The following RFX2 variants were observed in gnomAD, a reference collection of about 807,000 sequenced individuals.
RFX2 encodes regulatory factor X2.
RFX2 carries 20 observed loss-of-function variants against 87.8 expected under a neutral mutation model. The ratio of observed to expected loss-of-function variants is 0.23; its 90% CI spans 0.16 to 0.33. The LOEUF (loss-of-function observed/expected upper bound fraction) is 0.33, where lower values mean the gene tolerates loss of function less well. Among genes scored for constraint, RFX2 ranks in the 10% least tolerant of loss-of-function variants. The pLI, the probability that RFX2 is intolerant of heterozygous loss-of-function variation, is 1.00. For missense variants in RFX2, 767 were observed against 1,012.3 expected, an observed-to-expected ratio of 0.76 and a Z score of 3.29; for synonymous variants, 397 against 431.3, an observed-to-expected ratio of 0.92 and a Z score of 0.98.
Position 6,021,630 on chromosome 19 carries a change from C to T in RFX2, c.597+4533G>A, listed in dbSNP as rs1021573371. ...GCAGAGGGCCCCACAGTGCAAAGGC[C>T]CTGGGGCAGGTCCGAGCCTGGTGCA... On this transcript the variant is annotated intron_variant, in intron 6 of 17. Transcript: ENST00000303657. This position sits in a 1 kb window ranked among gnomAD's most constrained non-coding sequence, Gnocchi z 5.7. 2.0e-5 allele frequency among the ~76,000 whole-genome samples: 3 copies of T among 152,156 alleles called. No individual in the cohort carries two copies. The highest frequency in any genetic ancestry group is 4.4e-5 in the Non-Finnish European group (3 of 68,026).
chr19:6,100,085 T>C (rs896706210), intron 1 of RFX2, among the ~76,000 whole-genome samples: 1 of 152,184 alleles, frequency 6.6e-6, no homozygotes, highest in Non-Finnish European at 1.5e-5. Flanking sequence ...ATCTCAAGTT[T>C]CCATGGCAAG....
At position 6,008,239 on chromosome 19, in the gene RFX2, C is replaced by G. The variant is rs202125727; in HGVS notation, c.1016-15G>C. 1.7e-5 allele frequency: 25 copies of G among 1,510,492 alleles called. No homozygotes were observed. In the African/African-American group the frequency reaches 2.6e-4, roughly 16 times the overall value. The allele number at this position is 1,510,492 out of a possible 1,614,324, so 93.6% of individuals were successfully genotyped here. A position where few individuals can be genotyped will look rare whatever the true frequency, so the allele number is the denominator to read the frequency against. ...GTGGGAGACATCTGGGGGAGGAACACGGGAACATCAGAAATGGCGAGGCTC... is the reference window on the plus strand; with the variant it reads ...GTGGGAGACATCTGGGGGAGGAACAGGGGAACATCAGAAATGGCGAGGCTC... On this transcript the variant is annotated splice_polypyrimidine_tract_variant and intron_variant, in intron 9 of 17. Transcript: ENST00000303657.
rs766860776 is a variant in RFX2, at chr19:6,029,943, C to T, written c.523-3706G>A. 3.3e-5 allele frequency among the ~76,000 whole-genome samples: 5 copies of T among 151,658 alleles called. No individual in the cohort carries two copies. The East Asian group carries it at 9.7e-4, about 29-fold the overall frequency. ...AATTGAGATTACCCAGTCTGAGGAGCGGAAAGAAAAAAGAATGAAGAAAAA... is the reference window on the plus strand; with the variant it reads ...AATTGAGATTACCCAGTCTGAGGAGTGGAAAGAAAAAAGAATGAAGAAAAA... On this transcript the variant is annotated intron_variant, in intron 5 of 17. Coordinates refer to ENST00000303657, the MANE Select transcript of RFX2 (RefSeq NM_000635.4).
At position 6,004,151 on chromosome 19, in the gene RFX2, GAGCCCCTCCC is replaced by G. The variant is rs1218245718; in HGVS notation, c.1500+40_1500+49del. 7.2e-7 allele frequency: 1 copy of G among 1,383,336 alleles called. No individual in the cohort carries two copies. Among genetic ancestry groups the G allele is most frequent in the Non-Finnish European group, 1.0e-6 (1 of 970,126 alleles). The allele number at this position is 1,383,336 out of a possible 1,614,324, so 85.7% of individuals were successfully genotyped here. A position where few individuals can be genotyped will look rare whatever the true frequency, so the allele number is the denominator to read the frequency against. On this transcript the variant is annotated intron_variant, in intron 13 of 17. Coordinates refer to ENST00000303657, the MANE Select transcript of RFX2 (RefSeq NM_000635.4). The surrounding 1 kb of genome is among the most constrained non-coding windows in gnomAD (Gnocchi z 4.8). ...GTGGTCCTCATGCTGTCCTGGACTG[GAGCCCCTCCC>G]AGCCATCGTTGGGGAGCCCAGGCCC...
At chr19:6,104,943 C>T (rs748361785) in intron 1 of RFX2, among the ~76,000 whole-genome samples, 1 of 151,914 alleles carries the variant, frequency 6.6e-6, no homozygotes, top group Non-Finnish European at 1.5e-5. Context: ...CATGGTGAAA[C>T]CCTGTCTCTA....
Position 6,007,716 on chromosome 19 carries a change from G to A in RFX2, c.1221C>T (p.Ser407=), listed in dbSNP as rs749153570. The stretch of plus-strand genomic sequence containing the variant: ...TGGCAGGAAGAGAGGTGGGGCCGTC[G>A]CTGGAGGAGGCCTTAGAGTTCCAGA... The part of the protein sequence containing the change: ...LSFWNSKASS[S]DGPTSLPASD... The change falls in exon 11 of 18, where the codon AGC becomes AGT. Residue 407 remains serine, a synonymous_variant. Coordinates refer to ENST00000303657, the MANE Select transcript of RFX2 (RefSeq NM_000635.4). The surrounding 1 kb of genome is among the most constrained non-coding windows in gnomAD (Gnocchi z 8.2). 13 of 1,554,444 alleles carry A rather than the reference G, an allele frequency of 8.4e-6. No homozygotes were observed. The highest frequency in any genetic ancestry group is 1.4e-5 in the African/African-American group (1 of 73,236).
At chr19:6,030,450 C>T (rs910321112) in intron 5 of RFX2, among the ~76,000 whole-genome samples, 1 of 152,056 alleles carries the variant, frequency 6.6e-6, no homozygotes. Context: ...TAGCCACACA[C>T]AAAAAAATAA....
chr19:6,108,121 G>A (rs1177170430), intron 1 of RFX2, among the ~76,000 whole-genome samples: 1 of 152,186 alleles, frequency 6.6e-6, no homozygotes, highest in Non-Finnish European at 1.5e-5. Flanking sequence ...ACCCAAGTCC[G>A]TTGAACTGTC....
chr19:6,075,702 G>T (rs10401349), intron 1 of RFX2, among the ~76,000 whole-genome samples: 1 of 152,068 alleles, frequency 6.6e-6, no homozygotes, highest in Non-Finnish European at 1.5e-5. Flanking sequence ...ACCCAGTTTT[G>T]GGTGACAGAA....
At chr19:6,058,739 C>T (rs1450616251) in intron 1 of RFX2, among the ~76,000 whole-genome samples, 3 of 152,104 alleles carry the variant, frequency 2.0e-5, no homozygotes, top group Non-Finnish European at 4.4e-5. Flanking sequence ...GTTTTCTTCT[C>T]AGGAGCCAAA....
intron 5 of RFX2, among the ~76,000 whole-genome samples, chr19:6,031,242 A>G (rs964906957): frequency 1.3e-5 from 2 of 152,108 alleles, no homozygotes; most frequent in African/African-American, 4.8e-5. Context: ...ACGTCAATCA[A>G]GCACACACAG....
In RFX2 at chr19:6,010,296, C is replaced by T. The variant is rs2086643903; in HGVS notation, c.900-45G>A. 3 of 1,335,874 alleles carry T rather than the reference C, an allele frequency of 2.2e-6. No homozygotes were observed. The highest frequency in any genetic ancestry group is 2.5e-4 in the Middle Eastern group (1 of 3,986). 82.8% of individuals were successfully genotyped at this position (1,335,874 alleles called of 1,614,324 possible). A position where few individuals can be genotyped will look rare whatever the true frequency, so the allele number is the denominator to read the frequency against. ...ACCATCATGAGGCCCAGCAGCCCTG[C>T]TGCGGGTGGGCCCAAAGACTGGGGG... On this transcript the variant is annotated intron_variant, in intron 8 of 17. Coordinates refer to ENST00000303657, the MANE Select transcript of RFX2 (RefSeq NM_000635.4). The surrounding 1 kb of genome is among the most constrained non-coding windows in gnomAD (Gnocchi z 5.0).
chr19:6,014,171 C>A (rs2144704804), intron 7 of RFX2, among the ~76,000 whole-genome samples: 1 of 152,250 alleles, frequency 6.6e-6, no homozygotes. Context: ...TGCCATTTCT[C>A]CAGAGCTGGC....
rs146536134 is a variant in RFX2, at chr19:6,018,203, C to G, written c.598-1932G>C. Among the ~76,000 whole-genome samples, 308 of 152,326 alleles carry G rather than the reference C, an allele frequency of 2.0e-3. 1 individual carries two copies. Among genetic ancestry groups the G allele is most frequent in the African/African-American group, 7.3e-3 (305 of 41,578 alleles). ...CATGTTGGCCTCGAATTCCTGACCT[C>G]AGGTGATCCACCCGCCTTGGCCTCC... On this transcript the variant is annotated intron_variant, in intron 6 of 17. Transcript: ENST00000303657.
chr19:6,089,757 T>C (rs919628213), intron 1 of RFX2, among the ~76,000 whole-genome samples: 3 of 152,160 alleles, frequency 2.0e-5, no homozygotes, highest in African/African-American at 7.2e-5. Context: ...AGCCAGCCAG[T>C]CTCTAATATT....
At chr19:6,028,825 A>G (rs2086921202) in intron 5 of RFX2, among the ~76,000 whole-genome samples, 1 of 152,238 alleles carries the variant, frequency 6.6e-6, no homozygotes, top group African/African-American at 2.4e-5. Flanking sequence ...CTATAATCCC[A>G]GCACTTCGGG....
intron 5 of RFX2, among the ~76,000 whole-genome samples, chr19:6,037,008 G>T (rs1358695535): frequency 6.6e-6 from 1 of 152,190 alleles, no homozygotes; most frequent in Non-Finnish European, 1.5e-5. Context: ...GTTCAGGCTG[G>T]GAAGGGTGGC....
intron 1 of RFX2, among the ~76,000 whole-genome samples, chr19:6,106,714 C>T (rs186573750): frequency 6.6e-6 from 1 of 151,654 alleles, no homozygotes; most frequent in Admixed American, 6.6e-5. Flanking sequence ...CAAAAGTTTC[C>T]TATTTTACAA....
At chr19:6,098,644 G>A (rs190719246) in intron 1 of RFX2, among the ~76,000 whole-genome samples, 101 of 152,090 alleles carry the variant, frequency 6.6e-4, no homozygotes, top group African/African-American at 2.1e-3. Context: ...TAACACCCAC[G>A]AGAGACTTTC....
Sources: gnomAD v4.1 joint callset for allele counts (sites outside exome capture counted in the v4.1 genomes callset) on GRCh38, gnomAD v4.1.1 for gene constraint, Gnocchi (gnomAD v3.1) non-coding constraint, MANE v1.5 for transcripts, NCBI Gene and HGNC (gene_info 2026-07-23, HGNC 2026-07-21) for gene names.